Variants in CSMD1 observed in about 807,000 individuals in gnomAD.
CSMD1 encodes the protein CUB and Sushi multiple domains 1, also known as CUB and sushi domain-containing protein 1.
A neutral mutation model predicts 417.5 loss-of-function variants in CSMD1; 213 were observed. The observed-to-expected ratio is 0.51, with a 90% CI of 0.46 to 0.57. The LOEUF is 0.57. Among genes scored for constraint, CSMD1 ranks in the 20% least tolerant of loss-of-function variants. The pLI, the probability that CSMD1 is intolerant of heterozygous loss-of-function variation, is 0.00. For synonymous variants in CSMD1, 2,862 were observed against 1,736.8 expected, an observed-to-expected ratio of 1.65 and a Z score of -16.11; for missense variants, 6,923 against 4,529.7, an observed-to-expected ratio of 1.53 and a Z score of -15.17.
intron 1 of CSMD1, among the ~76,000 whole-genome samples, chr8:4,920,605 T>A (rs910215175): frequency 6.6e-6 from 1 of 152,164 alleles, no homozygotes; most frequent in South Asian, 2.1e-4. Context: ...GTGGATCACC[T>A]GAAGTCAGGA....
intron 22 of CSMD1, among the ~76,000 whole-genome samples, chr8:3,344,481 A>G (rs539422982): frequency 2.0e-5 from 3 of 152,344 alleles, no homozygotes; most frequent in Admixed American, 6.5e-5. Flanking sequence ...AAAATAAAAA[A>G]GTCAATGCAG....
At chr8:4,261,670 A>C (rs547586296) in intron 3 of CSMD1, among the ~76,000 whole-genome samples, 1 of 152,130 alleles carries the variant, frequency 6.6e-6, no homozygotes, top group Non-Finnish European at 1.5e-5. Flanking sequence ...TCGGCCTCCC[A>C]AAATGCTGGG....
At chr8:3,806,516 T>C (rs1563099423) in intron 5 of CSMD1, among the ~76,000 whole-genome samples, 1 of 152,192 alleles carries the variant, frequency 6.6e-6, no homozygotes, top group Admixed American at 6.5e-5. Context: ...CACGGTGCTC[T>C]GTGCTTTGAG....
intron 1 of CSMD1, among the ~76,000 whole-genome samples, chr8:4,701,119 C>A (rs1339458067): frequency 6.6e-6 from 1 of 151,998 alleles, no homozygotes; most frequent in East Asian, 1.9e-4. Flanking sequence ...AATGTTGCAA[C>A]TCCTTCAAAA....
At chr8:4,759,082 A>G (rs978456878) in intron 1 of CSMD1, among the ~76,000 whole-genome samples, 1 of 152,206 alleles carries the variant, frequency 6.6e-6, no homozygotes, top group South Asian at 2.1e-4. Context: ...TCTGGGAGCA[A>G]TATCTGTTAA....
intron 5 of CSMD1, among the ~76,000 whole-genome samples, chr8:3,834,739 G>A (rs982583172): frequency 3.9e-5 from 6 of 152,096 alleles, no homozygotes; most frequent in African/African-American, 9.6e-5. Flanking sequence ...CTCCATTCTC[G>A]GAGGTGGAGC....
intron 3 of CSMD1, among the ~76,000 whole-genome samples, chr8:4,194,264 G>C (rs939191272): frequency 1.3e-5 from 2 of 152,072 alleles, no homozygotes; most frequent in African/African-American, 4.8e-5. Flanking sequence ...AGTGAATTTA[G>C]AAATTATAAT....
chr8:4,268,417 C>T (rs1425817215), intron 3 of CSMD1, among the ~76,000 whole-genome samples: 1 of 152,026 alleles, frequency 6.6e-6, no homozygotes, highest in Non-Finnish European at 1.5e-5. Context: ...GTAGCAGTGA[C>T]CAATTGTTGT....
intron 3 of CSMD1, among the ~76,000 whole-genome samples, chr8:4,059,062 T>C (rs1195670767): frequency 1.3e-5 from 2 of 152,192 alleles, no homozygotes; most frequent in South Asian, 2.1e-4. Flanking sequence ...CCTCAGCAAA[T>C]GTAAAAGAAC....
chr8:3,303,871 T>C (rs1335696739), intron 25 of CSMD1, among the ~76,000 whole-genome samples: 1 of 152,198 alleles, frequency 6.6e-6, no homozygotes, highest in African/African-American at 2.4e-5. Flanking sequence ...AACTGCTCTA[T>C]AGCATACATG....
chr8:3,546,314 T>C (rs1303889506), intron 10 of CSMD1, among the ~76,000 whole-genome samples: 1 of 151,824 alleles, frequency 6.6e-6, no homozygotes, highest in Non-Finnish European at 1.5e-5. Flanking sequence ...GGTGGGGGGA[T>C]CATGAGGTCA....
intron 25 of CSMD1, among the ~76,000 whole-genome samples, chr8:3,305,104 C>G (rs1360371000): frequency 6.6e-6 from 1 of 151,968 alleles, no homozygotes; most frequent in African/African-American, 2.4e-5. Flanking sequence ...CAGCCTTGAC[C>G]AACTGGGCTC....
chr8:4,429,744 G>A (rs747465869), intron 2 of CSMD1, among the ~76,000 whole-genome samples: 17 of 152,078 alleles, frequency 1.1e-4, no homozygotes, highest in Non-Finnish European at 2.1e-4. Flanking sequence ...ACCCACAGCC[G>A]TATGCTGAGA....
chr8:4,174,622 C>G (rs983127926), intron 3 of CSMD1, among the ~76,000 whole-genome samples: 15 of 147,234 alleles, frequency 1.0e-4, no homozygotes, highest in Non-Finnish European at 1.6e-4. Context: ...ATAATTAAAA[C>G]AAACTCTAAG....
At chr8:3,149,460 T>C (rs1223503926) in intron 40 of CSMD1, among the ~76,000 whole-genome samples, 1 of 152,132 alleles carries the variant, frequency 6.6e-6, no homozygotes, top group Admixed American at 6.5e-5. Flanking sequence ...ACTAATCTTC[T>C]AGCCAGAATT....
chr8:4,022,049 T>C (rs1046454700), intron 4 of CSMD1, among the ~76,000 whole-genome samples: 2 of 151,130 alleles, frequency 1.3e-5, no homozygotes, highest in Admixed American at 1.3e-4. Flanking sequence ...TTTTTCATTC[T>C]TTAATATACA....
intron 5 of CSMD1, among the ~76,000 whole-genome samples, chr8:3,792,447 A>G (rs1454167107): frequency 6.6e-6 from 1 of 152,224 alleles, no homozygotes; most frequent in Non-Finnish European, 1.5e-5. Flanking sequence ...AAACTGAACA[A>G]GATGAGGACG....
chr8:3,227,128 C>T (rs1005082207), intron 27 of CSMD1, among the ~76,000 whole-genome samples: 17 of 151,970 alleles, frequency 1.1e-4, no homozygotes, highest in Admixed American at 5.9e-4. Context: ...GGGCTGGACA[C>T]GATGGCTCAC....
chr8:4,956,451 A>G (rs929017481), intron 1 of CSMD1, among the ~76,000 whole-genome samples: 2 of 148,672 alleles, frequency 1.3e-5, no homozygotes, highest in Admixed American at 6.7e-5. Context: ...TATACATATT[A>G]AAATATATTT....
Sources: gnomAD v4.1 joint callset for allele counts (sites outside exome capture counted in the v4.1 genomes callset) on GRCh38, gnomAD v4.1.1 for gene constraint, MANE v1.5 for transcripts, NCBI Gene and HGNC (gene_info 2026-07-23, HGNC 2026-07-21) for gene names.